The following BICRA variants were observed in gnomAD, a reference collection of about 807,000 sequenced individuals.
The protein encoded by BICRA is BRD4-interacting chromatin-remodeling complex-associated protein.
Under a neutral mutation model 96.9 loss-of-function variants are expected in BICRA, and 31 were observed. That is an observed-to-expected ratio of 0.32 (90% CI 0.24 to 0.43). The LOEUF is 0.43. BICRA is among the 20% of genes least tolerant of loss of function. The probability of loss-of-function intolerance (pLI) is 1.00; values close to 1 mark genes in which losing one functional copy is unlikely to be tolerated. For missense variants in BICRA, 2,283 were observed against 2,190.3 expected, an observed-to-expected ratio of 1.04 and a Z score of -0.84; for synonymous variants, 1,350 against 1,071.8, an observed-to-expected ratio of 1.26 and a Z score of -5.07.
At position 47,702,637 on chromosome 19, in the gene BICRA, C is replaced by A. The variant is rs1157765428; in HGVS notation, c.*222C>A. ...AGGGGGCTGTGATGTAAAACGTCTC[C>A]CCTGCCAAAGGAGGGGCAAAGTGCT... On this transcript the variant is annotated 3_prime_UTR_variant, in exon 15 of 15. Transcript: ENST00000594866. The A allele has an allele frequency of 5.6e-6, 3 of 537,674 alleles. No individual in the cohort carries two copies. The highest frequency in any genetic ancestry group is 2.0e-5 in the African/African-American group (1 of 49,396). The allele number at this position is 537,674 out of a possible 1,614,324, so 33.3% of individuals were successfully genotyped here.
Position 47,695,494 on chromosome 19 carries a change from G to C in BICRA, c.3186+20G>C. ...CTGCAGGTAAGGGGCCCTTAGAGCA[G>C]GGGTCAGGACAGGACCAGGAGTCTT... On this transcript the variant is annotated intron_variant, in intron 10 of 14. Coordinates refer to ENST00000594866, the MANE Select transcript of BICRA (RefSeq NM_001394372.1). The C allele has an allele frequency of 8.3e-7, 1 of 1,206,516 alleles. No homozygotes were observed. The highest frequency in any genetic ancestry group is 2.5e-5 in the East Asian group (1 of 40,286). The allele number at this position is 1,206,516 out of a possible 1,614,324, so 74.7% of individuals were successfully genotyped here. A position where few individuals can be genotyped will look rare whatever the true frequency, so the allele number is the denominator to read the frequency against.
At chr19:47,625,034 C>G (rs1045311732) in intron 1 of BICRA, among the ~76,000 whole-genome samples, 13 of 121,102 alleles carry the variant, frequency 1.1e-4, no homozygotes, top group Admixed American at 1.0e-3. Flanking sequence ...GAGTCTCACT[C>G]TGTTGCCCAG....
rs117166163 is a variant in BICRA at position 47,699,841 on chromosome 19, C to T, written c.3595+436C>T. The T allele has an allele frequency of 0.023, 3,940 of 174,516 alleles. 55 individuals are homozygous for T. Among genetic ancestry groups the T allele is most frequent in the Non-Finnish European group, 0.03 (2,406 of 80,184 alleles). The allele number at this position is 174,516 out of a possible 1,614,324, so 10.8% of individuals were successfully genotyped here. A position where few individuals can be genotyped will look rare whatever the true frequency, so the allele number is the denominator to read the frequency against. On this transcript the variant is annotated intron_variant, in intron 14 of 14. Transcript: ENST00000594866. This position sits in a 1 kb window ranked among gnomAD's most constrained non-coding sequence, Gnocchi z 5.0. ...ACTCTAGTCTCCTGTCTGCAGGAAA[C>T]GGTACAGGCAGATCCCAGCTGCCAG...
At chr19:47,659,468 T>C (rs1466131611) in intron 1 of BICRA, among the ~76,000 whole-genome samples, 1 of 152,144 alleles carries the variant, frequency 6.6e-6, no homozygotes, top group East Asian at 1.9e-4. Flanking sequence ...GGCTTTTTCA[T>C]GCAATTGAAA....
intron 1 of BICRA, among the ~76,000 whole-genome samples, chr19:47,643,588 G>C (rs980697309): frequency 4.6e-5 from 7 of 152,216 alleles, no homozygotes; most frequent in African/African-American, 1.4e-4. Context: ...CTCCCACTGG[G>C]TGGCTGTGGA....
Position 47,701,895 on chromosome 19 carries a change from G to A in BICRA, c.4163G>A (p.Arg1388His). 4 of 1,451,674 alleles carry A rather than the reference G, an allele frequency of 2.8e-6. No individual in the cohort carries two copies. The highest frequency in any genetic ancestry group is 1.3e-5 in the South Asian group (1 of 75,568). 89.9% of individuals were successfully genotyped at this position (1,451,674 alleles called of 1,614,324 possible). A position where few individuals can be genotyped will look rare whatever the true frequency, so the allele number is the denominator to read the frequency against. Residue 1388 changes from arginine to histidine, a missense_variant, in exon 15 of 15, where the codon CGC (arginine) becomes CAC (histidine). Physicochemically the swap from Arg to His is conservative, Grantham distance 29. Transcript: ENST00000594866. This position sits in a 1 kb window ranked among gnomAD's most constrained non-coding sequence, Gnocchi z 5.4. ...TAPHCPRLPL[R>H]KTYRENVGGP... ...CCGCACTGCCCGCGCCTGCCACTGCGCAAGACCTACCGCGAGAACGTGGGG... is the reference window on the plus strand; with the variant it reads ...CCGCACTGCCCGCGCCTGCCACTGCACAAGACCTACCGCGAGAACGTGGGG...
chr19:47,679,458 C>A lies in BICRA; in HGVS notation c.288C>A (p.Gly96=). The A allele has an allele frequency of 6.6e-7, 1 of 1,514,292 alleles. No individual in the cohort carries two copies. The allele number at this position is 1,514,292 out of a possible 1,614,324, so 93.8% of individuals were successfully genotyped here. ...GGGGCGGCGGCGGGGGCAGTGGGGG[C>A]GCTGACCAGCCCTGTGACATCCTCC... ...ATGGGGGGSG[G]ADQPCDILQQ... The change falls in exon 6 of 15, where the codon GGC becomes GGA. Residue 96 remains glycine (G), a synonymous_variant. Transcript: ENST00000594866.
Position 47,702,141 on chromosome 19 carries a change from C to T in BICRA, c.4409C>T (p.Pro1470Leu), listed in dbSNP as rs546943764. ...GDPDWEAPGL[P>L]PAKRRKSESP... ...CCCGACTGGGAGGCGCCCGGGCTGC[C>T]CCCTGCCAAGCGGCGCAAGTCCGAG... The change falls in exon 15 of 15, where the codon CCC (proline) becomes CTC (leucine). Residue 1470 changes from proline to leucine, a missense_variant. Pro to Leu is a moderately conservative substitution (Grantham distance 98). Coordinates refer to ENST00000594866, the MANE Select transcript of BICRA (RefSeq NM_001394372.1). 4 of 1,547,730 alleles carry T rather than the reference C, an allele frequency of 2.6e-6. No homozygotes were observed. The highest frequency in any genetic ancestry group is 2.6e-6 in the Non-Finnish European group (3 of 1,154,980).
Position 47,680,398 on chromosome 19 carries a change from G to C in BICRA, c.1228G>C (p.Val410Leu). ...GGCGGGGAAGGCGGGCCAGAACGTG[G>C]TGCTGTCGGGCTTCCCCGCGCCTGC... is the stretch of plus-strand genomic sequence containing the variant. ...MAAGKAGQNV[V>L]LSGFPAPALQ... The change falls in exon 6 of 15, where the codon GTG becomes CTG. Residue 410 changes from valine (V) to leucine (L), a missense_variant. Val to Leu is a conservative substitution (Grantham distance 32). Transcript: ENST00000594866. 1.3e-6 allele frequency: 2 copies of C among 1,534,094 alleles called. No homozygotes were observed. Among genetic ancestry groups the C allele is most frequent in the Non-Finnish European group, 1.7e-6 (2 of 1,145,162 alleles).
Position 47,685,790 on chromosome 19 carries a change from C to CGCGT in BICRA, c.2283+3641_2283+3642insTGCG, listed in dbSNP as rs1973145119. ...GTGTGTGTGTGTGTGTGTGTGTGCGCGCGCGCGCGCATGCGTACATTTTCC... is the reference window on the plus strand; with the variant it reads ...GTGTGTGTGTGTGTGTGTGTGTGCGCGCGTGCGCGCGCGCATGCGTACATTTTCC... On this transcript the variant is annotated intron_variant, in intron 7 of 14. Coordinates refer to ENST00000594866, the MANE Select transcript of BICRA (RefSeq NM_001394372.1). Among the ~76,000 whole-genome samples the CGCGT allele has an allele frequency of 1.9e-4, 17 of 88,770 alleles. No individual in the cohort carries two copies. The South Asian group carries it at 5.1e-3, about 27-fold the overall frequency. The allele number at this position is 88,770 out of a possible 152,430, so 58.2% of individuals were successfully genotyped here.
intron 1 of BICRA, among the ~76,000 whole-genome samples, chr19:47,656,069 GACACAC>G (rs60179476): frequency 0.02 from 2,656 of 132,214 alleles, 24 homozygotes; most frequent in Middle Eastern, 0.096. Context: ...ATCCTGTCTC[GACACAC>G]ACACACACAC....
intron 1 of BICRA, among the ~76,000 whole-genome samples, chr19:47,640,551 T>C (rs962080101): frequency 3.0e-5 from 4 of 134,938 alleles, no homozygotes; most frequent in Non-Finnish European, 6.5e-5. Context: ...AAAAAAAAAA[T>C]CCCTGCCTCT....
chr19:47,681,036 G>T lies in BICRA; in HGVS notation c.1866G>T (p.Gln622His), dbSNP rs1160518961. 7.0e-7 allele frequency: 1 copy of T among 1,423,998 alleles called. No individual in the cohort carries two copies. The highest frequency in any genetic ancestry group is 1.5e-5 in the African/African-American group (1 of 65,794). 88.2% of individuals were successfully genotyped at this position (1,423,998 alleles called of 1,614,324 possible). Residue 622 changes from glutamine to histidine, a missense_variant, in exon 6 of 15, where the codon CAG becomes CAT. Transcript: ENST00000594866. ...TGEAAPVLTV[Q>H]PAPQAPPAVS... Reference sequence around the variant, plus strand: ...AGGCCGCGCCTGTCCTCACGGTGCAGCCTGCCCCCCAGGCGCCCCCCGCGG... The same window carrying T: ...AGGCCGCGCCTGTCCTCACGGTGCATCCTGCCCCCCAGGCGCCCCCCGCGG...
chr19:47,686,817 G>T (rs911591618), intron 7 of BICRA, among the ~76,000 whole-genome samples: 1 of 152,162 alleles, frequency 6.6e-6, no homozygotes, highest in African/African-American at 2.4e-5. Flanking sequence ...AGATTGCTGT[G>T]ATGTGGGAGT....
At position 47,695,020 on chromosome 19, in the gene BICRA, C is replaced by T. The variant is rs1222889123; in HGVS notation, c.3016C>T (p.Pro1006Ser). ...AASVLVSGQA[P>S]SGTPTAPSHA... ...GTCTGTGCTGGTCAGTGGGCAGGCC[C>T]CATCTGGGACCCCCACTGCCCCCAG... Residue 1006 changes from proline (P) to serine (S), a missense_variant, in exon 9 of 15, where the codon CCA (proline) becomes TCA (serine). Physicochemically the swap from Pro to Ser is moderately conservative, Grantham distance 74 (BLOSUM62 -1). Coordinates refer to ENST00000594866, the MANE Select transcript of BICRA (RefSeq NM_001394372.1). The T allele has an allele frequency of 6.6e-7, 1 of 1,513,210 alleles. No homozygotes were observed. The highest frequency in any genetic ancestry group is 1.4e-5 in the African/African-American group (1 of 70,848). The allele number at this position is 1,513,210 out of a possible 1,614,324, so 93.7% of individuals were successfully genotyped here.
chr19:47,674,883 G>T (rs1207656425), intron 4 of BICRA, among the ~76,000 whole-genome samples: 3 of 152,170 alleles, frequency 2.0e-5, no homozygotes, highest in African/African-American at 7.2e-5. Flanking sequence ...CCATCACACT[G>T]TATTCACTAG....
At chr19:47,622,580 T>A (rs1972080175) in intron 1 of BICRA, among the ~76,000 whole-genome samples, 2 of 150,996 alleles carry the variant, frequency 1.3e-5, no homozygotes, top group Non-Finnish European at 3.0e-5. Context: ...AAAAATTAGC[T>A]GGACGTAGTG....
At chr19:47,624,694 CTT>C (rs796657653) in intron 1 of BICRA, among the ~76,000 whole-genome samples, 1 of 145,970 alleles carries the variant, frequency 6.9e-6, no homozygotes, top group Non-Finnish European at 1.5e-5. Context: ...CACGCCCTGA[CTT>C]TTTTTTTTTT....
intron 1 of BICRA, among the ~76,000 whole-genome samples, chr19:47,639,343 T>TC (rs139201408): frequency 1.3e-4 from 18 of 142,948 alleles, no homozygotes; most frequent in African/African-American, 4.7e-4. Flanking sequence ...TTTTTTTTTT[T>TC]TGAGACAGAG....
Sources: gnomAD v4.1 joint callset for allele counts (sites outside exome capture counted in the v4.1 genomes callset) on GRCh38, gnomAD v4.1.1 for gene constraint, Gnocchi (gnomAD v3.1) non-coding constraint, MANE v1.5 for transcripts, NCBI Gene and HGNC (gene_info 2026-07-23, HGNC 2026-07-21) for gene names.